RERGL: variants seen among roughly 807,000 people sequenced by gnomAD.
RERGL encodes the protein ras-related and estrogen-regulated growth inhibitor-like protein.
A neutral mutation model predicts 24.7 loss-of-function variants in RERGL; 22 were observed. The observed-to-expected ratio is 0.89, with a 90% CI of 0.64 to 1.27. The LOEUF is 1.27. Ranked by LOEUF, RERGL falls within the 50% of genes most tolerant of loss-of-function variation. RERGL has a pLI of 0.00. For synonymous variants in RERGL, 76 were observed against 82.6 expected, an observed-to-expected ratio of 0.92 and a Z score of 0.43; for missense variants, 259 against 235.3, an observed-to-expected ratio of 1.10 and a Z score of -0.66.
intron 2 of RERGL, among the ~76,000 whole-genome samples, chr12:18,088,359 T>C (rs1745983877): frequency 1.3e-5 from 2 of 151,986 alleles, no homozygotes; most frequent in Non-Finnish European, 1.5e-5. Flanking sequence ...TATAGAAGAG[T>C]TCGAGAAATA....
At chr12:18,089,743 G>A (rs1947252708) in intron 1 of RERGL, among the ~76,000 whole-genome samples, 1 of 152,088 alleles carries the variant, frequency 6.6e-6, no homozygotes, top group Non-Finnish European at 1.5e-5. Context: ...GAACTAGTGG[G>A]TATAAGGCAA....
chr12:18,082,533 C>T (rs1028893311), intron 4 of RERGL, among the ~76,000 whole-genome samples: 1 of 152,122 alleles, frequency 6.6e-6, no homozygotes, highest in Admixed American at 6.6e-5. Flanking sequence ...AGAATTCTCA[C>T]AGAGGTTAAA....
In RERGL at chr12:18,088,465, C is replaced by A. The variant is rs1394922790; in HGVS notation, c.109+435G>T. Among the ~76,000 whole-genome samples, 5 of 152,044 alleles carry A rather than the reference C, an allele frequency of 3.3e-5. No individual in the cohort carries two copies. The South Asian group carries it at 6.2e-4, about 19-fold the overall frequency. ...ATAATGATAGGATATTTAATCAAGG[C>A]ATAATTTTCCTATTATTTTCTTATG... On this transcript the variant is annotated intron_variant, in intron 2 of 4. Coordinates refer to ENST00000538724, the MANE Select transcript of RERGL (RefSeq NM_001286201.2).
chr12:18,083,293 T>C (rs993170495), intron 4 of RERGL, among the ~76,000 whole-genome samples: 9 of 152,130 alleles, frequency 5.9e-5, no homozygotes, highest in African/African-American at 2.2e-4. Flanking sequence ...GTCAATAAAC[T>C]AGAAATATTT....
chr12:18,083,455 A>C (rs1947191548), intron 4 of RERGL, among the ~76,000 whole-genome samples: 1 of 152,098 alleles, frequency 6.6e-6, no homozygotes, highest in Admixed American at 6.6e-5. Context: ...AATGATTGAA[A>C]CAATGGAGTT....
intron 1 of RERGL, among the ~76,000 whole-genome samples, chr12:18,089,790 A>G (rs1947253086): frequency 1.3e-5 from 2 of 152,114 alleles, no homozygotes. Flanking sequence ...ATAGTGATGC[A>G]GAAATTTCCT....
chr12:18,081,114 A>G lies in RERGL; in HGVS notation c.*77T>C. 7.5e-7 allele frequency: 1 copy of G among 1,339,506 alleles called. No homozygotes were observed. Among genetic ancestry groups the G allele is most frequent in the South Asian group, 1.5e-5 (1 of 66,684 alleles). 83.0% of individuals were successfully genotyped at this position (1,339,506 alleles called of 1,614,324 possible). On this transcript the variant is annotated 3_prime_UTR_variant, in exon 5 of 5. Transcript: ENST00000538724. Reference sequence around the variant, plus strand: ...ATTCTTTTTACCAAAAAAAAATTGCATACAAAGGTTAGTTTAATTATCATG... The same window carrying G: ...ATTCTTTTTACCAAAAAAAAATTGCGTACAAAGGTTAGTTTAATTATCATG...
At position 18,090,172 on chromosome 12, in the gene RERGL, T is replaced by A; in HGVS notation, c.-32A>T. 1.3e-6 allele frequency: 2 copies of A among 1,521,794 alleles called. No homozygotes were observed. Among genetic ancestry groups the A allele is most frequent in the Non-Finnish European group, 1.8e-6 (2 of 1,140,354 alleles). The allele number at this position is 1,521,794 out of a possible 1,614,324, so 94.3% of individuals were successfully genotyped here. ...TTTCTGCTTCTTGGTCAGTCCTATT[T>A]TCTGGAACTACACTGCCCTGTGACA... On this transcript the variant is annotated 5_prime_UTR_variant, in exon 1 of 5. Transcript: ENST00000538724.
At position 18,090,103 on chromosome 12, in the gene RERGL, C is replaced by T. The variant is rs1333413587; in HGVS notation, c.38G>A (p.Gly13Glu). 6.5e-7 allele frequency: 1 copy of T among 1,533,348 alleles called. No individual in the cohort carries two copies. The highest frequency in any genetic ancestry group is 8.7e-7 in the Non-Finnish European group (1 of 1,145,674). The allele number at this position is 1,533,348 out of a possible 1,614,324, so 95.0% of individuals were successfully genotyped here. A position where few individuals can be genotyped will look rare whatever the true frequency, so the allele number is the denominator to read the frequency against. Reference sequence around the variant, plus strand: ...TCACCACTCACCAGATTTGCCTGTTCCTTCACCACCCAAGACAGCAAGCTT... The same window carrying T: ...TCACCACTCACCAGATTTGCCTGTTTCTTCACCACCCAAGACAGCAAGCTT... ...DVKLAVLGGE[G>E]TGKSALTVRF... The change falls in exon 1 of 5, where the codon GGA becomes GAA. Residue 13 changes from glycine (G) to glutamate (E), a missense_variant. By Grantham distance (98) the Gly-to-Glu change is moderately conservative. Coordinates refer to ENST00000538724, the MANE Select transcript of RERGL (RefSeq NM_001286201.2).
At chr12:18,085,934 C>T (rs899668150) in intron 2 of RERGL, among the ~76,000 whole-genome samples, 21 of 150,202 alleles carry the variant, frequency 1.4e-4, no homozygotes, top group Non-Finnish European at 1.9e-4. Context: ...CTCGGCTCAC[C>T]GCAAGCTCCG....
intron 4 of RERGL, among the ~76,000 whole-genome samples, chr12:18,083,452 G>A (rs1947191522): frequency 1.3e-5 from 2 of 152,104 alleles, no homozygotes; most frequent in African/African-American, 2.4e-5. Flanking sequence ...TTTAATGATT[G>A]AAACAATGGA....
chr12:18,084,685 A>G lies in RERGL; in HGVS notation c.184-20T>C, dbSNP rs781086096. On this transcript the variant is annotated intron_variant, in intron 3 of 4. Transcript: ENST00000538724. ...CTGTGTCTGAAAATAAACCAAGTGC[A>G]TTAAAAGTGGTGGGATCTAATACCT... is the stretch of plus-strand genomic sequence containing the variant. 5.6e-6 allele frequency: 9 copies of G among 1,603,786 alleles called. No homozygotes were observed. The South Asian group carries it at 8.9e-5, about 16-fold the overall frequency.
intron 2 of RERGL, 41 bp from the exon 3 acceptor site, chr12:18,085,734 C>T: frequency 8.8e-7 from 1 of 1,136,028 alleles, no homozygotes; most frequent in Middle Eastern, 2.0e-4. Context: ...TGAAAATACT[C>T]CAAACGTGAA....
chr12:18,089,474 C>A (rs897575005), intron 1 of RERGL: 3 of 860,224 alleles, frequency 3.5e-6, no homozygotes, highest in Non-Finnish European at 4.8e-6. Flanking sequence ...TGCTATGATT[C>A]TTTAGGCTCA....
At position 18,085,658 on chromosome 12, in the gene RERGL, T is replaced by C. The variant is rs777929799; in HGVS notation, c.145A>G (p.Lys49Glu). 5 of 1,601,088 alleles carry C rather than the reference T, an allele frequency of 3.1e-6. No homozygotes were observed. Among genetic ancestry groups the C allele is most frequent in the Non-Finnish European group, 4.3e-6 (5 of 1,171,158 alleles). ...TCATATATTTCTAGATTTAGTTGTTTCCTTTCCAAACACAAGTGCTTCTTA... is the reference window on the plus strand; with the variant it reads ...TCATATATTTCTAGATTTAGTTGTTCCCTTTCCAAACACAAGTGCTTCTTA... ...IYKKHLCLERKQLNLEIYDPC... is the reference protein window; with the variant it reads ...IYKKHLCLEREQLNLEIYDPC... Residue 49 changes from lysine to glutamate, a missense_variant, in exon 3 of 5, where the codon AAA (lysine) becomes GAA (glutamate). Coordinates refer to ENST00000538724, the MANE Select transcript of RERGL (RefSeq NM_001286201.2).
Position 18,084,587 on chromosome 12 carries a change from T to C in RERGL, c.262A>G (p.Arg88Gly). 6.2e-7 allele frequency: 1 copy of C among 1,613,202 alleles called. No individual in the cohort carries two copies. Among genetic ancestry groups the C allele is most frequent in the Non-Finnish European group, 8.5e-7 (1 of 1,179,604 alleles). ...GFVIVYDISD[R>G]SSFAFAKALI... ...GCTTTTGCAAAAGCAAATGAAGACCTATCACTGATGTCATACACAATAACA... is the reference window on the plus strand; with the variant it reads ...GCTTTTGCAAAAGCAAATGAAGACCCATCACTGATGTCATACACAATAACA... The change falls in exon 4 of 5, where the codon AGG becomes GGG. Residue 88 changes from arginine to glycine, a missense_variant. Transcript: ENST00000538724.
chr12:18,085,477 G>A (rs1947210180), intron 3 of RERGL, 143 bp downstream of exon 3: 1 of 598,828 alleles, frequency 1.7e-6, no homozygotes, highest in African/African-American at 1.9e-5. Context: ...TTAAATTTTT[G>A]ATAATTAAAA....
Position 18,085,628 on chromosome 12 carries a change from A to G in RERGL, c.175T>C (p.Cys59Arg). The G allele has an allele frequency of 1.9e-6, 3 of 1,571,706 alleles. No homozygotes were observed. The East Asian group carries it at 6.8e-5, about 36-fold the overall frequency. The change falls in exon 3 of 5, where the codon TGT becomes CGT. Residue 59 changes from cysteine to arginine, a missense_variant. Physicochemically the swap from Cys to Arg is radical, Grantham distance 180. Transcript: ENST00000538724. ...KQLNLEIYDP[C>R]SQTQKAKFSL... ...TGTTTTGTTTTACTTACTTGAGAACAAGGGTCATATATTTCTAGATTTAGT... is the reference window on the plus strand; with the variant it reads ...TGTTTTGTTTTACTTACTTGAGAACGAGGGTCATATATTTCTAGATTTAGT...
At position 18,088,922 on chromosome 12, in the gene RERGL, A is replaced by G. The variant is rs1253146882; in HGVS notation, c.87T>C (p.Ile29=). ...LTVRFLTKRF[I]GEYASNFESI... ...TACCAAAATTAGAAGCATATTCTCC[A>G]ATGAATCGCTTAGTAAGAAACCTCA... The change falls in exon 2 of 5, where the codon ATT becomes ATC. Residue 29 remains isoleucine (I), a synonymous_variant. Coordinates refer to ENST00000538724, the MANE Select transcript of RERGL (RefSeq NM_001286201.2). The G allele has an allele frequency of 6.2e-7, 1 of 1,608,854 alleles. No individual in the cohort carries two copies. Among genetic ancestry groups the G allele is most frequent in the African/African-American group, 1.3e-5 (1 of 74,800 alleles).
Sources: allele counts gnomAD v4.1 joint callset (sites outside exome capture counted in the v4.1 genomes callset), GRCh38; gene constraint gnomAD v4.1.1; transcripts MANE v1.5; gene names NCBI Gene and HGNC (gene_info 2026-07-23, HGNC 2026-07-21).